The following DAB1 variants were observed in gnomAD, a reference collection of about 807,000 sequenced individuals.
DAB1 encodes the protein DAB adaptor protein 1.
A neutral mutation model predicts 64.6 loss-of-function variants in DAB1; 15 were observed. The observed-to-expected ratio is 0.23, with a 90% CI of 0.16 to 0.36. The LOEUF (loss-of-function observed/expected upper bound fraction) is 0.36. DAB1 is among the 10% of genes least tolerant of loss of function. The probability of loss-of-function intolerance (pLI) is 1.00; values close to 1 mark genes in which losing one functional copy is unlikely to be tolerated. For synonymous variants in DAB1, 235 were observed against 251.9 expected, an observed-to-expected ratio of 0.93 and a Z score of 0.64; for missense variants, 596 against 706.7, an observed-to-expected ratio of 0.84 and a Z score of 1.78.
At chr1:57,157,026 T>C (rs1660286743) in intron 2 of DAB1, among the ~76,000 whole-genome samples, 1 of 152,138 alleles carries the variant, frequency 6.6e-6, no homozygotes, top group Admixed American at 6.5e-5. Context: ...GGAAGGCAAT[T>C]AGCATTTTTT....
intron 3 of DAB1, among the ~76,000 whole-genome samples, chr1:58,481,675 A>T (rs1316121389): frequency 6.6e-6 from 1 of 150,708 alleles, no homozygotes; most frequent in Admixed American, 6.8e-5. Context: ...CTCATCTTGA[A>T]TTGCAGTTCC....
Position 57,071,632 on chromosome 1 carries a change from C to T in DAB1, c.448G>A (p.Val150Ile). 3.1e-6 allele frequency: 5 copies of T among 1,613,206 alleles called. No individual in the cohort carries two copies. In the South Asian group the frequency reaches 3.3e-5, roughly 11 times the overall value. ...AAGAGATCTCTCAAGTCCAGAATAACAGGTTCAGCCTGGGATGAAAGGTAG... is the reference window on the plus strand; with the variant it reads ...AAGAGATCTCTCAAGTCCAGAATAATAGGTTCAGCCTGGGATGAAAGGTAG... ...AIKTAQAAEP[V>I]ILDLRDLFQL... is the part of the protein sequence containing the mutation. The change falls in exon 6 of 15, where the codon GTT becomes ATT. Residue 150 changes from valine (V) to isoleucine (I), a missense_variant. Physicochemically the swap from Val to Ile is conservative, Grantham distance 29 (BLOSUM62 3). Around this residue, in one of 3 missense-constraint regions of DAB1, gnomAD observed 176 missense variants for 266.7 expected, o/e 0.66. Transcript: ENST00000371236.
At chr1:57,499,682 G>T (rs1363469524) in intron 7 of DAB1, among the ~76,000 whole-genome samples, 1 of 152,182 alleles carries the variant, frequency 6.6e-6, no homozygotes, top group Admixed American at 6.5e-5. Flanking sequence ...GGCCTTGCAG[G>T]TGCTTCTAGT....
intron 5 of DAB1, among the ~76,000 whole-genome samples, chr1:58,057,107 C>T (rs540894880): frequency 6.4e-4 from 98 of 152,282 alleles, no homozygotes; most frequent in African/African-American, 2.3e-3. Flanking sequence ...TGGCCTCACT[C>T]AACCTGATTC....
intron 1 of DAB1, among the ~76,000 whole-genome samples, chr1:57,364,251 A>T (rs1679787526): frequency 6.6e-6 from 1 of 152,218 alleles, no homozygotes. Flanking sequence ...TCTCAACACT[A>T]AATGCAAGCA....
At chr1:57,621,750 C>T (rs1388590738) in intron 7 of DAB1, among the ~76,000 whole-genome samples, 1 of 152,152 alleles carries the variant, frequency 6.6e-6, no homozygotes, top group Admixed American at 6.5e-5. Flanking sequence ...CAATCAAAAC[C>T]ATATTCCAAA....
intron 7 of DAB1, among the ~76,000 whole-genome samples, chr1:57,598,350 C>T (rs1022597392): frequency 2.0e-5 from 3 of 152,256 alleles, no homozygotes; most frequent in African/African-American, 4.8e-5. Context: ...ATCCTGACTC[C>T]GTTACTCCTT....
chr1:58,293,601 G>A (rs1212062227), intron 4 of DAB1, among the ~76,000 whole-genome samples: 1 of 152,096 alleles, frequency 6.6e-6, no homozygotes, highest in Non-Finnish European at 1.5e-5. Flanking sequence ...GCATGGGCAG[G>A]GTAACCTTTA....
intron 5 of DAB1, among the ~76,000 whole-genome samples, chr1:57,949,458 T>C (rs1262472756): frequency 7.2e-6 from 1 of 138,320 alleles, no homozygotes; most frequent in Non-Finnish European, 1.6e-5. Flanking sequence ...TAAGCAATTC[T>C]TTATCTATCT....
intron 5 of DAB1, among the ~76,000 whole-genome samples, chr1:58,019,005 T>G (rs143593716): frequency 1.3e-5 from 2 of 152,322 alleles, no homozygotes; most frequent in Non-Finnish European, 2.9e-5. Flanking sequence ...AGGAGACCTA[T>G]ATTTAAATCT....
chr1:57,989,153 AT>A (rs924959812), intron 5 of DAB1, among the ~76,000 whole-genome samples: 1 of 152,148 alleles, frequency 6.6e-6, no homozygotes, highest in African/African-American at 2.4e-5. Context: ...TGGATACCAA[AT>A]GGGGATAATG....
chr1:57,147,034 CTT>C (rs71681386), intron 2 of DAB1, among the ~76,000 whole-genome samples: 19,542 of 143,448 alleles, frequency 0.14, 1,410 homozygotes, highest in South Asian at 0.18. Flanking sequence ...CACTGTTTTT[CTT>C]TTTTTTTTTT....
At chr1:57,584,071 C>A (rs996484555) in intron 7 of DAB1, among the ~76,000 whole-genome samples, 1 of 152,260 alleles carries the variant, frequency 6.6e-6, no homozygotes, top group Non-Finnish European at 1.5e-5. Flanking sequence ...TAGGAGTATG[C>A]GCCTGTAACA....
intron 2 of DAB1, among the ~76,000 whole-genome samples, chr1:58,525,319 T>C (rs763302635): frequency 4.8e-5 from 7 of 146,398 alleles, no homozygotes; most frequent in South Asian, 2.2e-4. Context: ...AAAAATCCTA[T>C]GTATAAGTGG....
chr1:58,072,072 A>G (rs891152976), intron 5 of DAB1, among the ~76,000 whole-genome samples: 4 of 49,898 alleles, frequency 8.0e-5, no homozygotes, highest in African/African-American at 3.1e-4. Flanking sequence ...GATAGCAAAC[A>G]TTATTGGTGG....
intron 2 of DAB1, among the ~76,000 whole-genome samples, chr1:57,260,321 G>A (rs1468752509): frequency 3.3e-5 from 5 of 152,152 alleles, no homozygotes; most frequent in Non-Finnish European, 7.3e-5. Context: ...TGCTTACTGA[G>A]TGTCAGGCAG....
chr1:58,128,973 A>G (rs1653329762), intron 5 of DAB1, among the ~76,000 whole-genome samples: 1 of 140,522 alleles, frequency 7.1e-6, no homozygotes, highest in African/African-American at 2.7e-5. Flanking sequence ...TGGCCTCATA[A>G]AATGAGTTAG....
intron 9 of DAB1, among the ~76,000 whole-genome samples, chr1:57,034,828 G>A (rs2100443632): frequency 6.6e-6 from 1 of 152,280 alleles, no homozygotes; most frequent in Non-Finnish European, 1.5e-5. Flanking sequence ...ATCACCCATA[G>A]CCTCGTAGTA....
chr1:57,290,818 A>G, intron 2 of DAB1, 146 bp downstream of exon 2: 1 of 527,588 alleles, frequency 1.9e-6, no homozygotes, highest in Non-Finnish European at 3.3e-6. Context: ...CCATTACATT[A>G]TTATATTATT....
Sources: gnomAD v4.1 joint callset for allele counts (sites outside exome capture counted in the v4.1 genomes callset) on GRCh38, gnomAD v4.1.1 for gene constraint, gnomAD v4.1.1 regional missense constraint, MANE v1.5 for transcripts, NCBI Gene and HGNC (gene_info 2026-07-23, HGNC 2026-07-21) for gene names.